FAT3: variants seen among roughly 807,000 people sequenced by gnomAD.
FAT3 encodes the protein FAT atypical cadherin 3.
In FAT3, 95 loss-of-function variants were observed where a neutral mutation model predicts 310.2. The observed-to-expected ratio is 0.31, with a 90% CI of 0.26 to 0.36. The LOEUF (loss-of-function observed/expected upper bound fraction) is 0.36, where lower values mean the gene tolerates loss of function less well. Ranked by LOEUF, FAT3 falls within the 10% of genes least tolerant of loss-of-function variation. The pLI, the probability that FAT3 is intolerant of heterozygous loss-of-function variation, is 1.00. For missense variants in FAT3, 5,408 were observed against 5,715.6 expected, an observed-to-expected ratio of 0.95 and a Z score of 1.74; for synonymous variants, 2,314 against 2,192.9, an observed-to-expected ratio of 1.06 and a Z score of -1.54.
intron 13 of FAT3, among the ~76,000 whole-genome samples, chr11:92,822,935 T>G (rs1441748747): frequency 3.3e-5 from 5 of 152,222 alleles, no homozygotes; most frequent in Non-Finnish European, 5.9e-5. Flanking sequence ...TTTCTTCTTG[T>G]CACTCTTCCA....
chr11:92,503,562 A>T (rs1037016269), intron 2 of FAT3, among the ~76,000 whole-genome samples: 2 of 152,136 alleles, frequency 1.3e-5, no homozygotes, highest in African/African-American at 4.8e-5. Flanking sequence ...TGAAATAAAT[A>T]AAATTAGGAT....
intron 3 of FAT3, among the ~76,000 whole-genome samples, chr11:92,581,412 G>A (rs1392023139): frequency 1.3e-5 from 2 of 151,980 alleles, no homozygotes; most frequent in African/African-American, 4.8e-5. Context: ...CTTACACTGG[G>A]GTGGTCCCTC....
intron 19 of FAT3, among the ~76,000 whole-genome samples, chr11:92,849,696 C>T (rs1948771043): frequency 6.6e-6 from 1 of 152,182 alleles, no homozygotes; most frequent in South Asian, 2.1e-4. Flanking sequence ...ACATTGGAAG[C>T]AATGAAGCAT....
chr11:92,845,605 G>A (rs1324016541), intron 19 of FAT3, among the ~76,000 whole-genome samples: 5 of 152,164 alleles, frequency 3.3e-5, no homozygotes, highest in African/African-American at 1.2e-4. Flanking sequence ...CGTAGTGATC[G>A]ATGAGAAGCA....
chr11:92,771,583 A>C (rs1381809754), intron 6 of FAT3, among the ~76,000 whole-genome samples: 2 of 152,108 alleles, frequency 1.3e-5, no homozygotes, highest in Non-Finnish European at 2.9e-5. Context: ...GCTGCTAGCT[A>C]TATTGGTAAG....
At chr11:92,454,532 G>C (rs1210364527) in intron 2 of FAT3, among the ~76,000 whole-genome samples, 1 of 152,098 alleles carries the variant, frequency 6.6e-6, no homozygotes, top group Non-Finnish European at 1.5e-5. Context: ...GCCCCCATGA[G>C]AAGTGAACAC....
At chr11:92,859,369 T>C (rs1949065553) in intron 21 of FAT3, 47 bp downstream of exon 21, 1 of 1,456,638 alleles carries the variant, frequency 6.9e-7, no homozygotes, top group African/African-American at 1.5e-5. Context: ...CTCATGTTAG[T>C]GTTTTGGCTC....
intron 1 of FAT3, among the ~76,000 whole-genome samples, chr11:92,321,328 T>C (rs1947611694): frequency 6.6e-6 from 1 of 151,802 alleles, no homozygotes. Context: ...TCCCAGCTCC[T>C]TGGGAGGCTG....
chr11:92,353,328 G>C lies in FAT3; in HGVS notation c.1216G>C (p.Asp406His), dbSNP rs377587382. ...AGTAAAATTAAGTCCTGAACCGATA[G>C]ATGTGGAATACAAATTATCTCCTGG... The part of the protein sequence containing the change: ...AIVKLSPEPI[D>H]VEYKLSPGED... The change falls in exon 2 of 28, where the codon GAT (aspartate) becomes CAT (histidine). Residue 406 changes from aspartate to histidine, a missense_variant. Physicochemically the swap from Asp to His is moderately conservative, Grantham distance 81. Around this residue, in one of 5 missense-constraint regions of FAT3, gnomAD observed 4,588 missense variants for 4,809.8 expected, o/e 0.95. Coordinates refer to ENST00000525166, the MANE Select transcript of FAT3 (RefSeq NM_001367949.2). 8.1e-6 allele frequency: 13 copies of C among 1,613,508 alleles called. No individual in the cohort carries two copies. In the African/African-American group the frequency reaches 1.6e-4, roughly 20 times the overall value.
intron 2 of FAT3, among the ~76,000 whole-genome samples, chr11:92,432,432 C>T (rs1232567233): frequency 6.6e-6 from 1 of 152,148 alleles, no homozygotes; most frequent in South Asian, 2.1e-4. Context: ...ATCATGTCAT[C>T]AGATGGGGTT....
At chr11:92,439,653 C>T (rs966111778) in intron 2 of FAT3, among the ~76,000 whole-genome samples, 2 of 152,134 alleles carry the variant, frequency 1.3e-5, no homozygotes, top group Admixed American at 6.5e-5. Flanking sequence ...TGGTGGCTTA[C>T]ACCTGTGATC....
intron 2 of FAT3, among the ~76,000 whole-genome samples, chr11:92,367,826 A>C (rs1949068034): frequency 6.6e-6 from 1 of 152,198 alleles, no homozygotes; most frequent in African/African-American, 2.4e-5. Context: ...TATGAAGGAT[A>C]ACTAGAGCAC....
intron 7 of FAT3, among the ~76,000 whole-genome samples, chr11:92,780,579 T>C (rs577047831): frequency 1.3e-5 from 2 of 152,312 alleles, no homozygotes; most frequent in South Asian, 4.1e-4. Context: ...AGATCAGGGT[T>C]TATATCCAGG....
intron 10 of FAT3, among the ~76,000 whole-genome samples, chr11:92,802,519 A>C (rs1947389718): frequency 6.6e-6 from 1 of 152,200 alleles, no homozygotes; most frequent in Non-Finnish European, 1.5e-5. Flanking sequence ...CAAGATAGAC[A>C]AAGTCAGTCA....
chr11:92,513,509 C>CTCTT (rs1338701945), intron 2 of FAT3, among the ~76,000 whole-genome samples: 1 of 152,064 alleles, frequency 6.6e-6, no homozygotes, highest in East Asian at 1.9e-4. Flanking sequence ...AAGAGTTTGA[C>CTCTT]TCTTGAAGAA....
rs1449195297 is a variant in FAT3 at position 92,891,404 on chromosome 11, A to G, written c.*291A>G. ...GAAAAATTATTTCACCCACTAAGTT[A>G]TACAGCCAGTCTTGTATGGCTTTGT... On this transcript the variant is annotated 3_prime_UTR_variant, in exon 28 of 28. Coordinates refer to ENST00000525166, the MANE Select transcript of FAT3 (RefSeq NM_001367949.2). 4 of 438,324 alleles carry G rather than the reference A, an allele frequency of 9.1e-6. No homozygotes were observed. The East Asian group carries it at 2.0e-4, about 22-fold the overall frequency. 27.2% of individuals were successfully genotyped at this position (438,324 alleles called of 1,614,324 possible).
At chr11:92,890,037 T>G (rs1949881209) in intron 27 of FAT3, 146 bp downstream of exon 27, 1 of 702,140 alleles carries the variant, frequency 1.4e-6, no homozygotes, top group Admixed American at 2.0e-5. Context: ...AGGTGAAAGC[T>G]CCACCAGCAT....
intron 2 of FAT3, among the ~76,000 whole-genome samples, chr11:92,416,469 T>C (rs945846527): frequency 1.1e-4 from 17 of 152,052 alleles, no homozygotes; most frequent in African/African-American, 3.9e-4. Flanking sequence ...CTCAAGTTAG[T>C]GTATTTTATA....
chr11:92,361,146 C>T (rs1349640651), intron 2 of FAT3, among the ~76,000 whole-genome samples: 1 of 152,108 alleles, frequency 6.6e-6, no homozygotes, highest in Non-Finnish European at 1.5e-5. Context: ...CTTTTCATTC[C>T]AGAACCCAGG....
Sources: gnomAD v4.1 joint callset for allele counts (sites outside exome capture counted in the v4.1 genomes callset) on GRCh38, gnomAD v4.1.1 for gene constraint, gnomAD v4.1.1 regional missense constraint, MANE v1.5 for transcripts, NCBI Gene and HGNC (gene_info 2026-07-23, HGNC 2026-07-21) for gene names.